The following HNRNPUL1 variants were observed in gnomAD, a reference collection of about 807,000 sequenced individuals.
The protein encoded by HNRNPUL1 is heterogeneous nuclear ribonucleoprotein U-like protein 1.
Under a neutral mutation model 108.5 loss-of-function variants are expected in HNRNPUL1, and 14 were observed. The ratio of observed to expected loss-of-function variants is 0.13; its 90% CI spans 0.09 to 0.20. HNRNPUL1 has a LOEUF of 0.20. Ranked by LOEUF, HNRNPUL1 falls within the 10% of genes least tolerant of loss-of-function variation. The pLI is 1.00. For synonymous variants in HNRNPUL1, 422 were observed against 445.2 expected (o/e 0.95, Z 0.66); for missense variants, 804 against 1,168.3 (o/e 0.69, Z 4.55).
rs928058725 is a variant in HNRNPUL1, at chr19:41,306,840, TC to T, written c.*277del. On this transcript the variant is annotated 3_prime_UTR_variant, in exon 15 of 15. Transcript: ENST00000392006. ...CCACCTCCTGTTCTTCCTACCTTCT[TC>T]CTTTTTGACTAAATAATCCCCACCT... The T allele has an allele frequency of 3.2e-5, 9 of 285,280 alleles. No individual in the cohort carries two copies. Among genetic ancestry groups the T allele is most frequent in the Admixed American group, 2.1e-4 (4 of 19,310 alleles). 17.7% of individuals were successfully genotyped at this position (285,280 alleles called of 1,614,324 possible).
At position 41,303,071 on chromosome 19, in the gene HNRNPUL1, G is replaced by A. The variant is rs979007612; in HGVS notation, c.1972+122G>A. The A allele has an allele frequency of 1.8e-5, 20 of 1,128,748 alleles. No individual in the cohort carries two copies. In the Admixed American group the frequency reaches 4.2e-4, roughly 24 times the overall value. 69.9% of individuals were successfully genotyped at this position (1,128,748 alleles called of 1,614,324 possible). ...TCCAGCTGTGAGTTATACTCTGGTA[G>A]AAAACTTGAAACAAGTCAGACACGG... On this transcript the variant is annotated intron_variant, in intron 12 of 14. Transcript: ENST00000392006.
intron 4 of HNRNPUL1, 66 bp from the exon 5 acceptor site, chr19:41,276,093 A>T (rs1014653615): frequency 1.2e-6 from 2 of 1,604,278 alleles, no homozygotes; most frequent in Admixed American, 3.3e-5. Context: ...AAAAGAGTGA[A>T]ACTCCGTCTC....
chr19:41,294,294 C>A lies in HNRNPUL1; in HGVS notation c.1267-44C>A. Reference sequence around the variant, plus strand: ...ACAGTCACCACCGAGCCAAGTGGTGCCATACCACCATGCCGCAACACCTTC... The same window carrying A: ...ACAGTCACCACCGAGCCAAGTGGTGACATACCACCATGCCGCAACACCTTC... On this transcript the variant is annotated intron_variant, in intron 8 of 14. Coordinates refer to ENST00000392006, the MANE Select transcript of HNRNPUL1 (RefSeq NM_007040.6). This position sits in a 1 kb window ranked among gnomAD's most constrained non-coding sequence, Gnocchi z 4.3. 1 of 1,607,144 alleles carries A rather than the reference C, an allele frequency of 6.2e-7. No individual in the cohort carries two copies. The highest frequency in any genetic ancestry group is 8.5e-7 in the Non-Finnish European group (1 of 1,175,592).
intron 5 of HNRNPUL1, 76 bp downstream of exon 5, chr19:41,276,374 C>A: frequency 1.0e-5 from 15 of 1,491,068 alleles, no homozygotes; most frequent in South Asian, 2.7e-5. Flanking sequence ...CCACCTTGGT[C>A]AGAGCTGCAA....
intron 7 of HNRNPUL1, among the ~76,000 whole-genome samples, chr19:41,288,126 AC>A (rs1203726863): frequency 1.5e-5 from 2 of 130,162 alleles, no homozygotes; most frequent in Non-Finnish European, 1.6e-5. Context: ...TTCTTTAGAC[AC>A]CCCCCCTCCC....
chr19:41,302,762 C>A lies in HNRNPUL1; in HGVS notation c.1785C>A (p.Asn595Lys), dbSNP rs746038833. 6.2e-7 allele frequency: 1 copy of A among 1,613,920 alleles called. No homozygotes were observed. Among genetic ancestry groups the A allele is most frequent in the Non-Finnish European group, 8.5e-7 (1 of 1,179,844 alleles). The stretch of plus-strand genomic sequence containing the variant: ...CGGACAAGCTAGTGAGGCAGTACAA[C>A]GAGGAAGGCCGCAAGGCTGGGCCAC... ...EEADKLVRQYNEEGRKAGPPP... is the reference protein window; with the variant it reads ...EEADKLVRQYKEEGRKAGPPP... The change falls in exon 12 of 15, where the codon AAC becomes AAA. Residue 595 changes from asparagine to lysine, a missense_variant. Transcript: ENST00000392006.
upstream of HNRNPUL1, among the ~76,000 whole-genome samples, chr19:41,263,764 T>C (rs1379112716): frequency 6.6e-6 from 1 of 152,232 alleles, no homozygotes; most frequent in East Asian, 1.9e-4. Context: ...AAATGAGCCA[T>C]CGCTACCAGC....
chr19:41,276,954 C>T (rs112840353), intron 5 of HNRNPUL1: 9,528 of 151,984 alleles, frequency 0.063, 382 homozygotes, highest in South Asian at 0.12. Context: ...AAAAATTAGC[C>T]GGGCATGGTG....
At position 41,264,693 on chromosome 19, in the gene HNRNPUL1, G is replaced by T. The variant is rs200709260; in HGVS notation, c.190G>T (p.Val64Phe). 24 of 1,556,212 alleles carry T rather than the reference G, an allele frequency of 1.5e-5. No individual in the cohort carries two copies. The Middle Eastern group carries it at 5.9e-4, about 38-fold the overall frequency. ...PGRPGHINEE[V>F]ETEGGSELEG... ...GCGACCCGGGCACATCAACGAGGAG[G>T]TCGAGACCGAGGGGGGCTCCGAGCT... The change falls in exon 1 of 15, where the codon GTC (valine) becomes TTC (phenylalanine). Residue 64 changes from valine to phenylalanine, a missense_variant. Coordinates refer to ENST00000392006, the MANE Select transcript of HNRNPUL1 (RefSeq NM_007040.6).
At chr19:41,279,045 C>G in intron 5 of HNRNPUL1, 32 bp from the exon 6 acceptor site, 1 of 1,539,518 alleles carries the variant, frequency 6.5e-7, no homozygotes, top group East Asian at 2.2e-5. Flanking sequence ...TCCAGAGAAG[C>G]AACCCTGAGC....
chr19:41,306,554 A>G lies in HNRNPUL1; in HGVS notation c.2560A>G (p.Ser854Gly). ...CTCCGGGAACACACAGGGTGGCACA[A>G]GTACACAGTAGCCAGTGTGACCCAG... Reference protein sequence around the residue: ...SYSGNTQGGTSTQ With the variant: ...SYSGNTQGGTGTQ The change falls in exon 15 of 15, where the codon AGT becomes GGT. Residue 854 changes from serine to glycine, a missense_variant. By Grantham distance (56) the Ser-to-Gly change is moderately conservative. Around this residue, in one of 4 missense-constraint regions of HNRNPUL1, gnomAD observed 294 missense variants for 388.3 expected, o/e 0.76. Coordinates refer to ENST00000392006, the MANE Select transcript of HNRNPUL1 (RefSeq NM_007040.6). 1 of 1,582,110 alleles carries G rather than the reference A, an allele frequency of 6.3e-7. No homozygotes were observed. The highest frequency in any genetic ancestry group is 8.6e-7 in the Non-Finnish European group (1 of 1,165,356).
In HNRNPUL1 at chr19:41,264,703, A is replaced by AG; in HGVS notation, c.206dup (p.Ser70LeufsTer88). Reference sequence around the variant, plus strand: ...CACATCAACGAGGAGGTCGAGACCGAGGGGGGCTCCGAGCTGGAGGGGACC... The same window carrying AG: ...CACATCAACGAGGAGGTCGAGACCGAGGGGGGGCTCCGAGCTGGAGGGGACC... On this transcript the variant is annotated frameshift_variant, in exon 1 of 15. Coordinates refer to ENST00000392006, the MANE Select transcript of HNRNPUL1 (RefSeq NM_007040.6). LOFTEE classifies it high-confidence loss of function. 1.3e-6 allele frequency: 2 copies of AG among 1,541,000 alleles called. No individual in the cohort carries two copies. Among genetic ancestry groups the AG allele is most frequent in the Non-Finnish European group, 1.7e-6 (2 of 1,147,346 alleles).
chr19:41,293,614 A>G (rs2036716825), intron 8 of HNRNPUL1, among the ~76,000 whole-genome samples: 2 of 152,194 alleles, frequency 1.3e-5, no homozygotes, highest in African/African-American at 2.4e-5. Flanking sequence ...ACTTAAAGAA[A>G]GTTGTACCAC....
chr19:41,263,493 C>A (rs1247654384), upstream of HNRNPUL1, among the ~76,000 whole-genome samples: 4 of 152,130 alleles, frequency 2.6e-5, no homozygotes, highest in African/African-American at 4.8e-5. Flanking sequence ...GGTACCCGAC[C>A]ATAGAGCAAG....
intron 7 of HNRNPUL1, among the ~76,000 whole-genome samples, chr19:41,289,304 G>T (rs954263881): frequency 6.6e-6 from 1 of 152,194 alleles, no homozygotes; most frequent in East Asian, 1.9e-4. Flanking sequence ...TGGAACAAGA[G>T]GGGAGGACAT....
chr19:41,266,778 C>T (rs1203058251), intron 1 of HNRNPUL1, among the ~76,000 whole-genome samples: 1 of 152,162 alleles, frequency 6.6e-6, no homozygotes, highest in East Asian at 1.9e-4. Flanking sequence ...GAATTGGATA[C>T]TTGTTCATAA....
Position 41,268,502 on chromosome 19 carries a change from A to G in HNRNPUL1, c.418+157A>G, listed in dbSNP as rs571951600. On this transcript the variant is annotated intron_variant, in intron 2 of 14. Coordinates refer to ENST00000392006, the MANE Select transcript of HNRNPUL1 (RefSeq NM_007040.6). ...ACTCTGGCAAGAATTGTTTAAAGGA[A>G]AGATCTCAGTCCTATTTCCAAGTGT... 3.9e-5 allele frequency among the ~76,000 whole-genome samples: 6 copies of G among 152,316 alleles called. No homozygotes were observed. In the East Asian group the frequency reaches 1.2e-3, roughly 29 times the overall value.
chr19:41,268,406 C>A, intron 2 of HNRNPUL1, 61 bp downstream of exon 2: 1 of 1,563,594 alleles, frequency 6.4e-7, no homozygotes, highest in Non-Finnish European at 8.7e-7. Flanking sequence ...AGCCTTTACC[C>A]CCTGCTTAGA....
intron 1 of HNRNPUL1, among the ~76,000 whole-genome samples, chr19:41,267,695 C>T (rs1259144559): frequency 6.6e-6 from 1 of 152,228 alleles, no homozygotes; most frequent in Non-Finnish European, 1.5e-5. Context: ...ACTGGTAGGG[C>T]CCTTGGGGCC....
Sources: allele counts gnomAD v4.1 joint callset (sites outside exome capture counted in the v4.1 genomes callset), GRCh38; gene constraint gnomAD v4.1.1; regional missense constraint gnomAD v4.1.1; non-coding constraint Gnocchi (gnomAD v3.1); transcripts MANE v1.5; gene names NCBI Gene and HGNC (gene_info 2026-07-23, HGNC 2026-07-21).